Variants in DENND5B observed in about 807,000 individuals in gnomAD.
The protein encoded by DENND5B is DENN domain-containing protein 5B.
DENND5B carries 34 observed loss-of-function variants against 140.6 expected under a neutral mutation model. The observed-to-expected ratio is 0.24, with a 90% CI of 0.18 to 0.32. The LOEUF (loss-of-function observed/expected upper bound fraction) is 0.32. Ranked by LOEUF, DENND5B falls within the 10% of genes least tolerant of loss-of-function variation. DENND5B has a pLI of 1.00. For synonymous variants in DENND5B, 551 were observed against 562.1 expected, an observed-to-expected ratio of 0.98 and a Z score of 0.28; for missense variants, 1,142 against 1,560.2, an observed-to-expected ratio of 0.73 and a Z score of 4.52.
intron 4 of DENND5B, among the ~76,000 whole-genome samples, chr12:31,456,932 A>C (rs1944803150): frequency 6.6e-6 from 1 of 152,140 alleles, no homozygotes; most frequent in African/African-American, 2.4e-5. Context: ...TAATTTTAAA[A>C]AATTAGCTGG....
At chr12:31,408,570 T>C (rs1176578065) in intron 14 of DENND5B, among the ~76,000 whole-genome samples, 1 of 128,144 alleles carries the variant, frequency 7.8e-6, no homozygotes, top group African/African-American at 3.0e-5. Flanking sequence ...GAGGCTGCGG[T>C]GAGCTGAGAT....
intron 1 of DENND5B, among the ~76,000 whole-genome samples, chr12:31,561,357 C>A (rs1423533949): frequency 1.3e-5 from 2 of 152,190 alleles, no homozygotes; most frequent in African/African-American, 4.8e-5. Context: ...AGCGTGGTGG[C>A]ACACACCTAT....
At chr12:31,445,827 G>C (rs1944250681) in intron 6 of DENND5B, among the ~76,000 whole-genome samples, 1 of 151,934 alleles carries the variant, frequency 6.6e-6, no homozygotes, top group Non-Finnish European at 1.5e-5. Context: ...GAGCAACATG[G>C]TGAAACCCTG....
intron 1 of DENND5B, among the ~76,000 whole-genome samples, chr12:31,523,114 A>C (rs939704432): frequency 2.7e-5 from 4 of 148,404 alleles, no homozygotes; most frequent in Non-Finnish European, 5.9e-5. Flanking sequence ...GCTGGAGTGC[A>C]GTGGCGTGAT....
intron 1 of DENND5B, among the ~76,000 whole-genome samples, chr12:31,526,515 G>C (rs1271514590): frequency 1.3e-5 from 2 of 152,182 alleles, no homozygotes; most frequent in African/African-American, 4.8e-5. Flanking sequence ...TATTCACGAT[G>C]TGAATGCTGA....
chr12:31,530,372 C>CG (rs1948240230), intron 1 of DENND5B, among the ~76,000 whole-genome samples: 1 of 151,190 alleles, frequency 6.6e-6, no homozygotes, highest in Non-Finnish European at 1.5e-5. Flanking sequence ...GACTCCATCT[C>CG]GAAAAAAATA....
chr12:31,410,943 A>G (rs1405078327), intron 13 of DENND5B, among the ~76,000 whole-genome samples: 2 of 152,220 alleles, frequency 1.3e-5, no homozygotes, highest in African/African-American at 4.8e-5. Context: ...AGAAAAGTAC[A>G]GAAGAAAATG....
chr12:31,411,354 T>G (rs1431115541), intron 13 of DENND5B, among the ~76,000 whole-genome samples: 1 of 147,326 alleles, frequency 6.8e-6, no homozygotes, highest in Non-Finnish European at 1.5e-5. Flanking sequence ...TTTTTTTTTT[T>G]TTTTTGAGAC....
intron 1 of DENND5B, among the ~76,000 whole-genome samples, chr12:31,562,414 C>T (rs1239439061): frequency 6.6e-6 from 1 of 152,108 alleles, no homozygotes; most frequent in African/African-American, 2.4e-5. Flanking sequence ...GTTCCAAGAC[C>T]ATCCTGACCA....
intron 1 of DENND5B, among the ~76,000 whole-genome samples, chr12:31,525,628 T>G (rs538045439): frequency 6.6e-6 from 1 of 152,346 alleles, no homozygotes; most frequent in East Asian, 1.9e-4. Flanking sequence ...TGCATAGCAA[T>G]TGAATTGTTT....
At chr12:31,583,705 A>AAAAACAAAC (rs747721787) in intron 1 of DENND5B, among the ~76,000 whole-genome samples, 28 of 151,436 alleles carry the variant, frequency 1.8e-4, no homozygotes, top group Non-Finnish European at 3.4e-4. Flanking sequence ...AAACAAAAAC[A>AAAAACAAAC]AACAACAACA....
intron 1 of DENND5B, among the ~76,000 whole-genome samples, chr12:31,553,522 C>A (rs1381599544): frequency 6.6e-6 from 1 of 152,170 alleles, no homozygotes; most frequent in South Asian, 2.1e-4. Flanking sequence ...TGTGGTGCTG[C>A]AAAGAATGTA....
At chr12:31,545,101 T>C (rs965150275) in intron 1 of DENND5B, among the ~76,000 whole-genome samples, 1 of 152,110 alleles carries the variant, frequency 6.6e-6, no homozygotes, top group Non-Finnish European at 1.5e-5. Flanking sequence ...AAAAAGTCCT[T>C]ATCAGAGCCA....
chr12:31,570,326 G>C (rs1949776165), intron 1 of DENND5B, among the ~76,000 whole-genome samples: 1 of 147,730 alleles, frequency 6.8e-6, no homozygotes, highest in Non-Finnish European at 1.5e-5. Flanking sequence ...GCCCAGGCTG[G>C]AGTGCAGTGG....
intron 3 of DENND5B, chr12:31,465,796 T>G (rs1565606848): frequency 6.6e-6 from 1 of 152,132 alleles, no homozygotes; most frequent in East Asian, 1.9e-4. Flanking sequence ...CACTAGAAAA[T>G]GAAAGGCACA....
At chr12:31,587,526 C>CTTTTTTTTTTTTTTTTTTTTTTT (rs71460995) in intron 1 of DENND5B, among the ~76,000 whole-genome samples, 1 of 74,948 alleles carries the variant, frequency 1.3e-5, no homozygotes. Flanking sequence ...CCACAAATAC[C>CTTTTTTTTTTTTTTTTTTTTTTT]TTTTTTTTTT....
intron 1 of DENND5B, among the ~76,000 whole-genome samples, chr12:31,526,256 C>T (rs1033381936): frequency 8.5e-5 from 13 of 152,214 alleles, no homozygotes; most frequent in Admixed American, 7.2e-4. Flanking sequence ...CACGTCTTTA[C>T]TACAGAAATA....
intron 1 of DENND5B, among the ~76,000 whole-genome samples, chr12:31,585,149 C>T (rs1950354121): frequency 6.6e-6 from 1 of 152,144 alleles, no homozygotes; most frequent in African/African-American, 2.4e-5. Flanking sequence ...ATAAGCCCCA[C>T]CTCCAACATT....
intron 1 of DENND5B, among the ~76,000 whole-genome samples, chr12:31,532,458 G>A (rs1377950554): frequency 6.6e-6 from 1 of 152,148 alleles, no homozygotes; most frequent in African/African-American, 2.4e-5. Flanking sequence ...AAGTGGTGTA[G>A]AAGAGACCAG....
Sources: gnomAD v4.1 joint callset for allele counts (sites outside exome capture counted in the v4.1 genomes callset) on GRCh38, gnomAD v4.1.1 for gene constraint, MANE v1.5 for transcripts, NCBI Gene and HGNC (gene_info 2026-07-23, HGNC 2026-07-21) for gene names.